The following NELL1 variants were observed in gnomAD, a reference collection of about 807,000 sequenced individuals.
NELL1 encodes neural EGFL like 1, also known as protein kinase C-binding protein NELL1.
A neutral mutation model predicts 107.4 loss-of-function variants in NELL1; 76 were observed. That is an observed-to-expected ratio of 0.71 (90% CI 0.59 to 0.86). The LOEUF (loss-of-function observed/expected upper bound fraction) is 0.86. Ranked by LOEUF, NELL1 falls within the 40% of genes least tolerant of loss-of-function variation. NELL1 has a pLI of 0.00. For missense variants in NELL1, 1,024 were observed against 1,005.5 expected (o/e 1.02, Z -0.25); for synonymous variants, 353 against 341.2 (o/e 1.03, Z -0.38).
chr11:21,149,953 T>C (rs1856077375), intron 13 of NELL1, among the ~76,000 whole-genome samples: 1 of 151,972 alleles, frequency 6.6e-6, no homozygotes, highest in South Asian at 2.1e-4. Context: ...GGAGGGACCA[T>C]ATTAGATTAG....
intron 15 of NELL1, among the ~76,000 whole-genome samples, chr11:21,435,538 T>C (rs1040917085): frequency 1.3e-5 from 2 of 151,978 alleles, no homozygotes; most frequent in African/African-American, 2.4e-5. Flanking sequence ...TAGCTTTTAT[T>C]GTATGCTTTT....
chr11:20,975,156 C>T (rs1851579130), intron 12 of NELL1, among the ~76,000 whole-genome samples: 2 of 151,532 alleles, frequency 1.3e-5, no homozygotes, highest in Non-Finnish European at 2.9e-5. Flanking sequence ...CTATAGGTGC[C>T]CGCCACCATG....
chr11:21,141,143 A>T (rs1234422873), intron 13 of NELL1, among the ~76,000 whole-genome samples: 1 of 152,346 alleles, frequency 6.6e-6, no homozygotes, highest in South Asian at 2.1e-4. Flanking sequence ...CATCCATTGC[A>T]CACATAATGT....
intron 12 of NELL1, among the ~76,000 whole-genome samples, chr11:21,042,220 TTCA>T (rs1444226976): frequency 6.6e-6 from 1 of 152,228 alleles, no homozygotes; most frequent in East Asian, 1.9e-4. Flanking sequence ...TTATAAAGAA[TTCA>T]TCAAAACAAT....
chr11:21,145,359 T>C (rs1229839019), intron 13 of NELL1, among the ~76,000 whole-genome samples: 1 of 152,184 alleles, frequency 6.6e-6, no homozygotes, highest in Non-Finnish European at 1.5e-5. Context: ...CAATGTAAAC[T>C]GATTAGGTAC....
intron 3 of NELL1, among the ~76,000 whole-genome samples, chr11:20,784,713 T>A (rs1856919269): frequency 6.6e-6 from 1 of 152,194 alleles, no homozygotes; most frequent in Admixed American, 6.5e-5. Flanking sequence ...ACAATTTTAT[T>A]TTTTAATACT....
chr11:20,901,097 A>G lies in NELL1; in HGVS notation c.603+15557A>G, dbSNP rs543595729. Among the ~76,000 whole-genome samples, 10 of 152,262 alleles carry G rather than the reference A, an allele frequency of 6.6e-5. No homozygotes were observed. In the South Asian group the frequency reaches 1.0e-3, roughly 16 times the overall value. On this transcript the variant is annotated intron_variant, in intron 5 of 19. Transcript: ENST00000357134. ...TGACTATTATCAGTGTTTCTATTCA[A>G]CATTGTACTGGAGGTTCTTACCAGC...
chr11:20,938,938 C>G (rs61880445), intron 10 of NELL1, among the ~76,000 whole-genome samples: 3,730 of 43,620 alleles, frequency 0.086, 141 homozygotes, highest in African/African-American at 0.16. Context: ...CTCTCTCTCT[C>G]TCTGTGTGTG....
intron 13 of NELL1, among the ~76,000 whole-genome samples, chr11:21,186,871 G>A (rs1161820666): frequency 6.6e-6 from 1 of 151,856 alleles, no homozygotes; most frequent in Non-Finnish European, 1.5e-5. Flanking sequence ...CCCTCAATCT[G>A]TTCTGAGTAC....
rs144673542 is a variant in NELL1 at position 21,395,771 on chromosome 11, A to G, written c.1645+24823A>G. Among the ~76,000 whole-genome samples the G allele has an allele frequency of 6.9e-4, 104 of 151,638 alleles. 2 individuals carry two copies. The East Asian group carries it at 0.02, about 29-fold the overall frequency. On this transcript the variant is annotated intron_variant, in intron 15 of 19. Coordinates refer to ENST00000357134, the MANE Select transcript of NELL1 (RefSeq NM_006157.5). ...ATTCTACTTTTTGACATCAGTGGAA[A>G]TTACATTGGCCTCTCTGAAAAAAAC...
intron 3 of NELL1, among the ~76,000 whole-genome samples, chr11:20,819,848 T>A (rs11025771): frequency 0.63 from 95,217 of 152,052 alleles, 31,025 homozygotes; most frequent in Non-Finnish European, 0.73. Flanking sequence ...AAAAATAGTT[T>A]CATTTTTCAT....
At chr11:21,494,561 G>T (rs901353735) in intron 15 of NELL1, among the ~76,000 whole-genome samples, 12 of 151,556 alleles carry the variant, frequency 7.9e-5, no homozygotes, top group Non-Finnish European at 1.5e-4. Flanking sequence ...TTATGAACAT[G>T]GTATTATACT....
chr11:20,903,166 A>G (rs1849915976), intron 5 of NELL1, among the ~76,000 whole-genome samples: 1 of 151,998 alleles, frequency 6.6e-6, no homozygotes, highest in Non-Finnish European at 1.5e-5. Flanking sequence ...ATATGTATAT[A>G]TGTGTGTGTG....
intron 2 of NELL1, among the ~76,000 whole-genome samples, chr11:20,740,875 C>T (rs558978194): frequency 6.6e-6 from 1 of 152,236 alleles, no homozygotes; most frequent in Non-Finnish European, 1.5e-5. Flanking sequence ...ATCCTCCTGC[C>T]TCAGCCTCCT....
At chr11:20,768,858 G>A (rs971314326) in intron 2 of NELL1, among the ~76,000 whole-genome samples, 1 of 152,136 alleles carries the variant, frequency 6.6e-6, no homozygotes, top group African/African-American at 2.4e-5. Flanking sequence ...TGTGAAACCT[G>A]TTTCAGACAT....
rs568889676 is a variant in NELL1, at chr11:21,284,118, G to A, written c.1549+54664G>A. The A allele has an allele frequency of 7.3e-5, 29 of 397,556 alleles. No individual in the cohort carries two copies. In the East Asian group the frequency reaches 1.3e-3, roughly 18 times the overall value. The allele number at this position is 397,556 out of a possible 1,614,324, so 24.6% of individuals were successfully genotyped here. ...GCCATCATGGCAGTTCATTGAAACC[G>A]TGTGGCTTTGAAGAGTAGCGTTAAA... On this transcript the variant is annotated intron_variant, in intron 14 of 19. Coordinates refer to ENST00000357134, the MANE Select transcript of NELL1 (RefSeq NM_006157.5).
At chr11:21,058,038 C>T (rs1853651696) in intron 12 of NELL1, among the ~76,000 whole-genome samples, 1 of 151,844 alleles carries the variant, frequency 6.6e-6, no homozygotes, top group African/African-American at 2.4e-5. Context: ...TAGAAAGTTC[C>T]AGAAATATAA....
intron 13 of NELL1, among the ~76,000 whole-genome samples, chr11:21,173,298 T>C (rs1447368932): frequency 1.3e-5 from 2 of 151,782 alleles, no homozygotes; most frequent in African/African-American, 2.4e-5. Context: ...AGGCAAATTA[T>C]AGACTCTGGC....
At chr11:21,211,260 G>A (rs1857490907) in intron 13 of NELL1, among the ~76,000 whole-genome samples, 1 of 152,086 alleles carries the variant, frequency 6.6e-6, no homozygotes, top group African/African-American at 2.4e-5. Context: ...GAGATCTCAA[G>A]GATAAGCGGA....
Sources: gnomAD v4.1 joint callset for allele counts (sites outside exome capture counted in the v4.1 genomes callset) on GRCh38, gnomAD v4.1.1 for gene constraint, MANE v1.5 for transcripts, NCBI Gene and HGNC (gene_info 2026-07-23, HGNC 2026-07-21) for gene names.